The following LIN28B variants were observed in gnomAD, a reference collection of about 807,000 sequenced individuals.
LIN28B encodes the protein protein lin-28 homolog B.
In LIN28B, 5 loss-of-function variants were observed where a neutral mutation model predicts 21.9. That is an observed-to-expected ratio of 0.23 (90% confidence interval 0.12 to 0.48). The LOEUF is 0.48. Ranked by LOEUF, LIN28B falls within the 20% of genes least tolerant of loss-of-function variation. The probability of loss-of-function intolerance (pLI) is 0.98; values close to 1 mark genes in which losing one functional copy is unlikely to be tolerated. For synonymous variants in LIN28B, 109 were observed against 111.3 expected, an observed-to-expected ratio of 0.98 and a Z score of 0.13; for missense variants, 245 against 310.5, an observed-to-expected ratio of 0.79 and a Z score of 1.58.
At chr6:105,074,311 C>T (rs1772383106) in intron 3 of LIN28B, among the ~76,000 whole-genome samples, 1 of 152,088 alleles carries the variant, frequency 6.6e-6, no homozygotes, top group Non-Finnish European at 1.5e-5. Flanking sequence ...CATTCTCCTG[C>T]CTCAGCCTCC....
chr6:104,999,557 A>G (rs2114287233), intron 2 of LIN28B, among the ~76,000 whole-genome samples: 1 of 152,272 alleles, frequency 6.6e-6, no homozygotes, highest in East Asian at 1.9e-4. Context: ...CACTTACAAC[A>G]AAGAATTAGA....
intron 3 of LIN28B, among the ~76,000 whole-genome samples, chr6:105,069,083 T>C (rs1305379219): frequency 6.6e-6 from 1 of 152,080 alleles, no homozygotes; most frequent in East Asian, 1.9e-4. Context: ...CTGGGTGTGG[T>C]GGTGCACACC....
chr6:104,958,395 C>CA (rs1769627080), intron 2 of LIN28B, 109 bp downstream of exon 2: 2 of 870,876 alleles, frequency 2.3e-6, no homozygotes, highest in East Asian at 2.6e-5. Context: ...TATTGAAAGA[C>CA]AAAATCTTCC....
chr6:105,012,634 A>G (rs367562274), intron 2 of LIN28B, among the ~76,000 whole-genome samples: 1 of 152,184 alleles, frequency 6.6e-6, no homozygotes, highest in African/African-American at 2.4e-5. Flanking sequence ...TTTGACAACT[A>G]TTATGATGTG....
At chr6:105,052,849 G>A (rs1771934819) in intron 3 of LIN28B, among the ~76,000 whole-genome samples, 1 of 151,690 alleles carries the variant, frequency 6.6e-6, no homozygotes, top group Non-Finnish European at 1.5e-5. Context: ...TTTTGGCTTT[G>A]TTAATTTTTT....
chr6:105,042,552 C>G (rs553259917), intron 3 of LIN28B, among the ~76,000 whole-genome samples: 7 of 152,100 alleles, frequency 4.6e-5, no homozygotes, highest in African/African-American at 1.7e-4. Flanking sequence ...GTCTTGCTTT[C>G]TTTTGTAAGA....
chr6:105,003,979 A>T (rs144424523), intron 2 of LIN28B, among the ~76,000 whole-genome samples: 204 of 152,314 alleles, frequency 1.3e-3, no homozygotes, highest in Non-Finnish European at 2.6e-3. Context: ...TCACACAATC[A>T]CAAGGTCCCA....
At chr6:105,036,205 CTTTAT>C (rs1466306968) in intron 3 of LIN28B, among the ~76,000 whole-genome samples, 2 of 152,214 alleles carry the variant, frequency 1.3e-5, no homozygotes, top group Non-Finnish European at 2.9e-5. Context: ...CCCCACAACT[CTTTAT>C]TTTACATTTG....
chr6:105,029,890 A>AGT (rs1451358280), intron 3 of LIN28B, among the ~76,000 whole-genome samples: 1 of 152,200 alleles, frequency 6.6e-6, no homozygotes, highest in East Asian at 1.9e-4. Context: ...CTGTATAAAG[A>AGT]GTGAAGACAT....
At chr6:104,987,982 G>A (rs992334649) in intron 2 of LIN28B, among the ~76,000 whole-genome samples, 7 of 152,078 alleles carry the variant, frequency 4.6e-5, no homozygotes, top group African/African-American at 1.7e-4. Flanking sequence ...GACCTCAAGT[G>A]ATCTGCCTAC....
In LIN28B at chr6:105,078,680, G is replaced by A. The variant is rs76912525; in HGVS notation, c.650G>A (p.Arg217Gln). 25 of 1,614,092 alleles carry A rather than the reference G, an allele frequency of 1.5e-5. No individual in the cohort carries two copies. Among genetic ancestry groups the A allele is most frequent in the African/African-American group, 8.0e-5 (6 of 75,004 alleles). Reference sequence around the variant, plus strand: ...GAGGCTAGGGCAGAGATCTCAGAACGGTCAGGCAGGTCACCTCAAGAAGCT... The same window carrying A: ...GAGGCTAGGGCAGAGATCTCAGAACAGTCAGGCAGGTCACCTCAAGAAGCT... ...PQEARAEISE[R>Q]SGRSPQEASS... is the part of the protein sequence containing the mutation. Residue 217 changes from arginine to glutamine, a missense_variant, in exon 4 of 4, where the codon CGG becomes CAG. By Grantham distance (43) the Arg-to-Gln change is conservative. Transcript: ENST00000345080.
intron 3 of LIN28B, among the ~76,000 whole-genome samples, chr6:105,046,244 C>A (rs1376575376): frequency 6.6e-6 from 1 of 152,080 alleles, no homozygotes; most frequent in Non-Finnish European, 1.5e-5. Flanking sequence ...TCAATTCCCA[C>A]CTATGAGTGA....
At chr6:105,058,838 T>G (rs1772073655) in intron 3 of LIN28B, among the ~76,000 whole-genome samples, 1 of 152,242 alleles carries the variant, frequency 6.6e-6, no homozygotes, top group Non-Finnish European at 1.5e-5. Context: ...TTAAAGGTAT[T>G]TGTGCCATTT....
rs1016751059 is a variant in LIN28B, at chr6:104,940,699, C to T, written c.18+3583C>T. ...CCGCCGCGCCCCGCGCTCCCCCACC[C>T]GGCTCAGCCCCCTCCTCCCCGCGCC... On this transcript the variant is annotated intron_variant, in intron 2 of 5. Transcript: ENST00000635857. 6.6e-5 allele frequency among the ~76,000 whole-genome samples: 10 copies of T among 150,648 alleles called. 1 individual carries two copies.
At chr6:104,975,525 C>T (rs1486471004) in intron 2 of LIN28B, among the ~76,000 whole-genome samples, 1 of 152,154 alleles carries the variant, frequency 6.6e-6, no homozygotes, top group African/African-American at 2.4e-5. Flanking sequence ...TCTGTTCTGC[C>T]ACCTGAGAGA....
At chr6:105,030,114 A>G (rs1771388771) in intron 3 of LIN28B, among the ~76,000 whole-genome samples, 1 of 152,228 alleles carries the variant, frequency 6.6e-6, no homozygotes, top group Non-Finnish European at 1.5e-5. Context: ...AAGGGTGTCC[A>G]TAATTTTTGT....
intron 3 of LIN28B, among the ~76,000 whole-genome samples, chr6:105,068,969 C>T (rs908152890): frequency 7.9e-5 from 12 of 152,300 alleles, no homozygotes; most frequent in Admixed American, 3.9e-4. Context: ...GTAATCCCAG[C>T]ACTTTGGGAG....
At chr6:105,073,461 TC>T (rs1772370031) in intron 3 of LIN28B, among the ~76,000 whole-genome samples, 2 of 152,158 alleles carry the variant, frequency 1.3e-5, no homozygotes, top group Admixed American at 6.5e-5. Context: ...CGTACCTTCT[TC>T]CTGCCCAAAG....
rs1343478297 is a variant in LIN28B at position 104,965,268 on chromosome 6, GC to G, written c.198+6984del. ...CTTTTGGCTGAGCATGGTGGCTCAT[GC>G]CTGTAATCCCAGCACTTTGGGAGGC... On this transcript the variant is annotated intron_variant, in intron 2 of 3. Coordinates refer to ENST00000345080, the MANE Select transcript of LIN28B (RefSeq NM_001004317.4). Among the ~76,000 whole-genome samples, 7 of 152,158 alleles carry G rather than the reference GC, an allele frequency of 4.6e-5. No individual in the cohort carries two copies. In the East Asian group the frequency reaches 1.3e-3, roughly 29 times the overall value.
Sources: gnomAD v4.1 joint callset for allele counts (sites outside exome capture counted in the v4.1 genomes callset) on GRCh38, gnomAD v4.1.1 for gene constraint, MANE v1.5 for transcripts, NCBI Gene and HGNC (gene_info 2026-07-23, HGNC 2026-07-21) for gene names.